SLC4A4: variants seen among roughly 807,000 people sequenced by gnomAD.
SLC4A4 encodes the protein electrogenic sodium bicarbonate cotransporter 1.
SLC4A4 carries 27 observed loss-of-function variants against 111.5 expected under a neutral mutation model. The observed-to-expected ratio is 0.24, with a 90% CI of 0.18 to 0.33. The LOEUF is 0.33. SLC4A4 is among the 10% of genes least tolerant of loss of function. The pLI is 1.00. For synonymous variants in SLC4A4, 443 were observed against 463.4 expected (o/e 0.96, Z 0.57); for missense variants, 909 against 1,315.5 (o/e 0.69, Z 4.78).
Position 71,557,749 on chromosome 4 carries a change from A to G in SLC4A4, c.2801A>G (p.Lys934Arg). 1 of 1,612,734 alleles carries G rather than the reference A, an allele frequency of 6.2e-7. No individual in the cohort carries two copies. Among genetic ancestry groups the G allele is most frequent in the Non-Finnish European group, 8.5e-7 (1 of 1,179,232 alleles). ...DRLKLLLMPL[K>R]HQPDFIYLRH... Reference sequence around the variant, plus strand: ...CTGAAGCTGCTTCTGATGCCTCTGAAGCATCAGCCTGACTTCATCTACCTG... The same window carrying G: ...CTGAAGCTGCTTCTGATGCCTCTGAGGCATCAGCCTGACTTCATCTACCTG... The change falls in exon 22 of 26, where the codon AAG becomes AGG. Residue 934 changes from lysine to arginine, a missense_variant. Transcript: ENST00000264485.
At chr4:71,381,550 A>C (rs1415987524) in intron 6 of SLC4A4, among the ~76,000 whole-genome samples, 1 of 152,130 alleles carries the variant, frequency 6.6e-6, no homozygotes, top group Non-Finnish European at 1.5e-5. Context: ...ATTTTATCAT[A>C]CCCAGTTATA....
At chr4:71,309,484 A>C (rs1195449249) in intron 3 of SLC4A4, among the ~76,000 whole-genome samples, 2 of 152,130 alleles carry the variant, frequency 1.3e-5, no homozygotes, top group Non-Finnish European at 2.9e-5. Flanking sequence ...AGGAAGGAGC[A>C]GGCAGGAATC....
At chr4:71,098,843 A>G (rs1422587285) in intron 2 of SLC4A4, among the ~76,000 whole-genome samples, 1 of 152,176 alleles carries the variant, frequency 6.6e-6, no homozygotes, top group Non-Finnish European at 1.5e-5. Flanking sequence ...GACTTTAAAC[A>G]AAGATCAAAA....
At chr4:71,107,360 T>C (rs181942155) in intron 2 of SLC4A4, among the ~76,000 whole-genome samples, 2,913 of 152,254 alleles carry the variant, frequency 0.019, 47 homozygotes, top group Middle Eastern at 0.037. Context: ...TTTTGGTGTT[T>C]TTTTGAGATG....
At chr4:71,156,602 A>ATACACG (rs1477104639) in intron 2 of SLC4A4, among the ~76,000 whole-genome samples, 32 of 151,318 alleles carry the variant, frequency 2.1e-4, no homozygotes, top group Admixed American at 1.3e-4. Context: ...ACACACACAC[A>ATACACG]CACACACACA....
intron 7 of SLC4A4, among the ~76,000 whole-genome samples, chr4:71,399,291 T>C (rs1012121512): frequency 2.0e-5 from 3 of 152,190 alleles, no homozygotes; most frequent in African/African-American, 4.8e-5. Flanking sequence ...TTTCACACTT[T>C]GCTGATTTTT....
intron 15 of SLC4A4, among the ~76,000 whole-genome samples, chr4:71,495,202 A>G (rs996002005): frequency 3.9e-5 from 6 of 152,092 alleles, no homozygotes; most frequent in African/African-American, 1.4e-4. Flanking sequence ...GTACATCTGT[A>G]TAGTCTTCAC....
chr4:71,404,458 C>T (rs1308224111), intron 7 of SLC4A4, among the ~76,000 whole-genome samples: 1 of 152,186 alleles, frequency 6.6e-6, no homozygotes, highest in African/African-American at 2.4e-5. Context: ...GAAATTGTAG[C>T]TATTGCATAT....
intron 3 of SLC4A4, among the ~76,000 whole-genome samples, chr4:71,278,785 A>G (rs1173662025): frequency 6.6e-6 from 1 of 152,166 alleles, no homozygotes; most frequent in Non-Finnish European, 1.5e-5. Context: ...CATTTAAAAA[A>G]TGAGATTGTC....
chr4:71,134,281 G>T (rs1013964866), intron 2 of SLC4A4, among the ~76,000 whole-genome samples: 2 of 152,202 alleles, frequency 1.3e-5, no homozygotes, highest in East Asian at 1.9e-4. Context: ...TGGGCCAGGG[G>T]TATATTCTCC....
At chr4:71,097,754 G>A (rs910495789) in intron 2 of SLC4A4, among the ~76,000 whole-genome samples, 2 of 151,946 alleles carry the variant, frequency 1.3e-5, no homozygotes, top group African/African-American at 4.8e-5. Flanking sequence ...TGTGGTTTTG[G>A]TTTGCATTTT....
chr4:71,201,480 T>TGCACA (rs1379273367), intron 1 of SLC4A4, among the ~76,000 whole-genome samples: 2 of 152,350 alleles, frequency 1.3e-5, no homozygotes, highest in African/African-American at 2.4e-5. Context: ...AGATCTGGGC[T>TGCACA]GCACAGCACA....
At chr4:71,222,333 T>C (rs1388661998) in intron 1 of SLC4A4, among the ~76,000 whole-genome samples, 3 of 152,218 alleles carry the variant, frequency 2.0e-5, no homozygotes, top group African/African-American at 7.2e-5. Flanking sequence ...CTTACCCTTT[T>C]CAATCTTTGA....
At chr4:71,352,496 A>T (rs1405860921) in intron 5 of SLC4A4, among the ~76,000 whole-genome samples, 1 of 152,204 alleles carries the variant, frequency 6.6e-6, no homozygotes, top group Non-Finnish European at 1.5e-5. Flanking sequence ...GTCATATATT[A>T]ATTCCCGTGA....
In SLC4A4 at chr4:71,560,124, T is replaced by C. The variant is rs750242447; in HGVS notation, c.2969T>C (p.Met990Thr). The change falls in exon 23 of 26, where the codon ATG (methionine) becomes ACG (threonine). Residue 990 changes from methionine to threonine, a missense_variant. Transcript: ENST00000264485. ...GCACTTGTAGCTGTCAGAAAAGGCA[T>C]GGACTACCTCTTCTCCCAGCACGAC... Reference protein sequence around the residue: ...ILALVAVRKGMDYLFSQHDLS... With the variant: ...ILALVAVRKGTDYLFSQHDLS... 3.7e-6 allele frequency: 6 copies of C among 1,610,992 alleles called. No homozygotes were observed. Among genetic ancestry groups the C allele is most frequent in the Non-Finnish European group, 1.7e-6 (2 of 1,177,824 alleles).
chr4:71,302,703 A>C (rs960697416), intron 3 of SLC4A4, among the ~76,000 whole-genome samples: 5 of 152,234 alleles, frequency 3.3e-5, no homozygotes, highest in African/African-American at 1.2e-4. Flanking sequence ...ACACACATCT[A>C]GACACACATC....
chr4:71,352,526 G>T (rs1729933961), intron 5 of SLC4A4, among the ~76,000 whole-genome samples: 1 of 152,174 alleles, frequency 6.6e-6, no homozygotes, highest in Non-Finnish European at 1.5e-5. Context: ...TGATGTTGAA[G>T]AAGGAATGCT....
At chr4:71,338,386 G>A (rs939373807) in intron 3 of SLC4A4, among the ~76,000 whole-genome samples, 4 of 152,034 alleles carry the variant, frequency 2.6e-5, no homozygotes, top group Non-Finnish European at 5.9e-5. Context: ...AAATATATTT[G>A]TGTGTACTTG....
intron 6 of SLC4A4, among the ~76,000 whole-genome samples, chr4:71,369,668 C>T (rs1731668280): frequency 1.3e-5 from 2 of 152,150 alleles, no homozygotes; most frequent in African/African-American, 2.4e-5. Context: ...AAGATAGAAT[C>T]TTTACTTTTT....
Sources: allele counts gnomAD v4.1 joint callset (sites outside exome capture counted in the v4.1 genomes callset), GRCh38; gene constraint gnomAD v4.1.1; transcripts MANE v1.5; gene names NCBI Gene and HGNC (gene_info 2026-07-23, HGNC 2026-07-21).